The following NEK11 variants were observed in gnomAD, a reference collection of about 807,000 sequenced individuals.
NEK11 encodes serine/threonine-protein kinase Nek11.
Under a neutral mutation model 80.7 loss-of-function variants are expected in NEK11, and 72 were observed. The observed-to-expected ratio is 0.89, with a 90% confidence interval of 0.74 to 1.08. The LOEUF (loss-of-function observed/expected upper bound fraction) is 1.08, where lower values mean the gene tolerates loss of function less well. NEK11 is among the 50% of genes least tolerant of loss of function. The pLI, the probability that NEK11 is intolerant of heterozygous loss-of-function variation, is 0.00. For synonymous variants in NEK11, 251 were observed against 260.7 expected (o/e 0.96, Z 0.36); for missense variants, 764 against 763.6 (o/e 1.00, Z -0.01).
chr3:131,162,106 C>T (rs373429092), intron 10 of NEK11, among the ~76,000 whole-genome samples: 3 of 152,202 alleles, frequency 2.0e-5, no homozygotes, highest in African/African-American at 7.2e-5. Flanking sequence ...AGTCTATTTA[C>T]TCTTTAATGG....
chr3:131,086,862 C>CA (rs1172694609), intron 4 of NEK11, among the ~76,000 whole-genome samples: 1 of 152,136 alleles, frequency 6.6e-6, no homozygotes, highest in Non-Finnish European at 1.5e-5. Context: ...TATTTTCTCT[C>CA]AATGGAAGAC....
intron 17 of NEK11, among the ~76,000 whole-genome samples, chr3:131,303,628 T>C (rs1393294087): frequency 6.6e-6 from 1 of 152,214 alleles, no homozygotes; most frequent in Non-Finnish European, 1.5e-5. Flanking sequence ...TGGCTGGGTA[T>C]GAAATTCTTG....
chr3:131,048,859 G>A (rs1466374376), intron 3 of NEK11, among the ~76,000 whole-genome samples: 2 of 152,174 alleles, frequency 1.3e-5, no homozygotes, highest in Non-Finnish European at 2.9e-5. Flanking sequence ...GTGGAATGAT[G>A]CATCATTTAC....
chr3:131,165,273 C>T (rs1009640969), intron 11 of NEK11, 153 bp from the exon 12 acceptor site: 2 of 584,220 alleles, frequency 3.4e-6, no homozygotes, highest in South Asian at 2.4e-5. Context: ...CCGGGTGCTG[C>T]ACCACATTCA....
chr3:131,341,460 C>T (rs768202020), intron 17 of NEK11, among the ~76,000 whole-genome samples: 17 of 152,232 alleles, frequency 1.1e-4, no homozygotes, highest in Middle Eastern at 3.4e-3. Context: ...GGTCAGTTTT[C>T]GCAAATGTTA....
intron 4 of NEK11, among the ~76,000 whole-genome samples, chr3:131,108,883 AAAG>A (rs1027200512): frequency 6.6e-6 from 1 of 152,124 alleles, no homozygotes; most frequent in Non-Finnish European, 1.5e-5. Context: ...GCTGAACTCA[AAAG>A]AAGCTATACT....
intron 4 of NEK11, among the ~76,000 whole-genome samples, chr3:131,103,699 G>A (rs1168679622): frequency 6.6e-6 from 1 of 152,198 alleles, no homozygotes; most frequent in Non-Finnish European, 1.5e-5. Flanking sequence ...GTCAGAGGCT[G>A]AAGTAGGGAG....
At chr3:131,056,461 A>T (rs553911277) in intron 3 of NEK11, among the ~76,000 whole-genome samples, 1 of 152,284 alleles carries the variant, frequency 6.6e-6, no homozygotes, top group South Asian at 2.1e-4. Flanking sequence ...ACCTCAGGGA[A>T]ATCATCCACT....
Position 131,319,489 on chromosome 3 carries a change from A to C in NEK11, c.1719-30068A>C, listed in dbSNP as rs73220540. On this transcript the variant is annotated intron_variant, in intron 17 of 17. Transcript: ENST00000383366. ...AGTGCCATGGAGACTCAGCATGCTT[A>C]TAGTATGATTGTAATAATTAACCAA... Among the ~76,000 whole-genome samples, 1,180 of 152,302 alleles carry C rather than the reference A, an allele frequency of 7.7e-3. 11 individuals are homozygous for C. The highest frequency in any genetic ancestry group is 0.014 in the Non-Finnish European group (964 of 68,004).
intron 17 of NEK11, among the ~76,000 whole-genome samples, 183 bp downstream of exon 17, chr3:131,273,757 G>A (rs1198687149): frequency 6.6e-6 from 1 of 152,130 alleles, no homozygotes; most frequent in East Asian, 1.9e-4. Flanking sequence ...GGTGCTGGTC[G>A]AATAATTAGG....
At chr3:131,239,739 T>C (rs1249579923) in intron 15 of NEK11, among the ~76,000 whole-genome samples, 1 of 152,174 alleles carries the variant, frequency 6.6e-6, no homozygotes, top group Non-Finnish European at 1.5e-5. Context: ...AAGATAGATA[T>C]GCAATCTCTA....
At chr3:131,264,236 T>G (rs1278543280) in intron 16 of NEK11, among the ~76,000 whole-genome samples, 2 of 152,222 alleles carry the variant, frequency 1.3e-5, no homozygotes, top group Admixed American at 1.3e-4. Flanking sequence ...CATTTGTCAA[T>G]TTTGGCTTTG....
chr3:131,090,019 T>C (rs754562110), intron 4 of NEK11, among the ~76,000 whole-genome samples: 1 of 152,182 alleles, frequency 6.6e-6, no homozygotes, highest in Non-Finnish European at 1.5e-5. Context: ...AGGGGTTTTT[T>C]TGTTTTTGTT....
chr3:131,108,218 G>A (rs1515910), intron 4 of NEK11, among the ~76,000 whole-genome samples: 138,353 of 152,136 alleles, frequency 0.91, 63,425 homozygotes, highest in Non-Finnish European at 0.95. Flanking sequence ...GAAATAAAAA[G>A]TGCATTAGAA....
chr3:131,251,457 T>C (rs2095701868), intron 16 of NEK11, among the ~76,000 whole-genome samples: 1 of 152,056 alleles, frequency 6.6e-6, no homozygotes, highest in Non-Finnish European at 1.5e-5. Flanking sequence ...ACACTTTGAT[T>C]TCTGAGAAGA....
At position 131,074,677 on chromosome 3, in the gene NEK11, G is replaced by T. The variant is rs142787742; in HGVS notation, c.171-5746G>T. 2.2e-3 allele frequency among the ~76,000 whole-genome samples: 332 copies of T among 152,196 alleles called. 4 individuals carry two copies. The highest frequency in any genetic ancestry group is 7.5e-3 in the African/African-American group (311 of 41,516). On this transcript the variant is annotated intron_variant, in intron 3 of 17. Coordinates refer to ENST00000383366, the MANE Select transcript of NEK11 (RefSeq NM_024800.5). ...AAAGAATGATACATTCATTTATTTTGCTGCTTGAGCTCCACCCAGGGAAAA... is the reference window on the plus strand; with the variant it reads ...AAAGAATGATACATTCATTTATTTTTCTGCTTGAGCTCCACCCAGGGAAAA...
chr3:131,243,349 C>T, intron 15 of NEK11, 87 bp from the exon 16 acceptor site: 1 of 1,276,622 alleles, frequency 7.8e-7, no homozygotes, highest in Non-Finnish European at 1.1e-6. Flanking sequence ...TTTTTTTTCG[C>T]CTAAATGTAG....
intron 5 of NEK11, among the ~76,000 whole-genome samples, chr3:131,118,854 T>C (rs2081817416): frequency 6.6e-6 from 1 of 152,184 alleles, no homozygotes; most frequent in East Asian, 1.9e-4. Flanking sequence ...TATTTGATTC[T>C]TCTCTTTTTT....
chr3:131,208,756 C>A (rs2094519733), intron 14 of NEK11, among the ~76,000 whole-genome samples: 1 of 152,084 alleles, frequency 6.6e-6, no homozygotes, highest in Non-Finnish European at 1.5e-5. Context: ...CATGATTTGG[C>A]TCTCTGTTTG....
Sources: gnomAD v4.1 joint callset for allele counts (sites outside exome capture counted in the v4.1 genomes callset) on GRCh38, gnomAD v4.1.1 for gene constraint, MANE v1.5 for transcripts, NCBI Gene and HGNC (gene_info 2026-07-23, HGNC 2026-07-21) for gene names.